Variants in TSPOAP1 observed in about 807,000 individuals in gnomAD.
TSPOAP1 encodes the protein peripheral-type benzodiazepine receptor-associated protein 1.
In TSPOAP1, 87 loss-of-function variants were observed where a neutral mutation model predicts 197.0. The observed-to-expected ratio is 0.44, with a 90% confidence interval of 0.37 to 0.53. The LOEUF (loss-of-function observed/expected upper bound fraction) is 0.53, where lower values mean the gene tolerates loss of function less well. TSPOAP1 is among the 20% of genes least tolerant of loss of function. TSPOAP1 has a pLI of 0.00. For synonymous variants in TSPOAP1, 913 were observed against 998.9 expected (o/e 0.91, Z 1.62); for missense variants, 2,174 against 2,411.3 (o/e 0.90, Z 2.06).
At chr17:58,313,563 G>A (rs1173740673) in intron 16 of TSPOAP1, among the ~76,000 whole-genome samples, 1 of 150,884 alleles carries the variant, frequency 6.6e-6, no homozygotes, top group Non-Finnish European at 1.5e-5. Context: ...AGTCATAATC[G>A]CGCCACTGCA....
Position 58,322,131 on chromosome 17 carries a change from C to T in TSPOAP1, c.1422+177G>A, listed in dbSNP as rs1971420510. On this transcript the variant is annotated intron_variant, in intron 10 of 31. Coordinates refer to ENST00000343736, the MANE Select transcript of TSPOAP1 (RefSeq NM_004758.4). This position sits in a 1 kb window ranked among gnomAD's most constrained non-coding sequence, Gnocchi z 5.0. The stretch of plus-strand genomic sequence containing the variant: ...TCTCCACCACTGTGCTCATCAGTGT[C>T]TGAAATCAGCTCACTCCTGGATGCT... 3 of 620,142 alleles carry T rather than the reference C, an allele frequency of 4.8e-6. No homozygotes were observed. The highest frequency in any genetic ancestry group is 8.4e-6 in the Non-Finnish European group (3 of 355,082). The allele number at this position is 620,142 out of a possible 1,614,324, so 38.4% of individuals were successfully genotyped here.
intron 16 of TSPOAP1, among the ~76,000 whole-genome samples, chr17:58,313,168 C>G (rs951949121): frequency 1.3e-5 from 2 of 151,984 alleles, no homozygotes; most frequent in African/African-American, 4.8e-5. Flanking sequence ...ACATATAAAG[C>G]AAATATGCCA....
At chr17:58,323,994 G>A (rs1363237140) in intron 5 of TSPOAP1, among the ~76,000 whole-genome samples, 1 of 152,198 alleles carries the variant, frequency 6.6e-6, no homozygotes, top group African/African-American at 2.4e-5. Context: ...TTGGCCTAGA[G>A]CAGCGCAAGT....
Position 58,301,475 on chromosome 17 carries a change from C to T in TSPOAP1, c.*1005G>A, listed in dbSNP as rs1053239453. The T allele has an allele frequency of 2.6e-5, 4 of 152,650 alleles. No homozygotes were observed. The highest frequency in any genetic ancestry group is 3.2e-3 in the Middle Eastern group (1 of 316). The allele number at this position is 152,650 out of a possible 1,614,324, so 9.5% of individuals were successfully genotyped here. ...TATGAAAATAGCTGCATAAATCTGT[C>T]CTTTTCTCCAGCCCCTGGACTCCAA... On this transcript the variant is annotated 3_prime_UTR_variant, in exon 32 of 32. Coordinates refer to ENST00000343736, the MANE Select transcript of TSPOAP1 (RefSeq NM_004758.4).
In TSPOAP1 at chr17:58,328,462, T is replaced by TGTC. The variant is rs1263627063; in HGVS notation, c.-545_-543dup. On this transcript the variant is annotated 5_prime_UTR_variant, in exon 1 of 32. Coordinates refer to ENST00000343736, the MANE Select transcript of TSPOAP1 (RefSeq NM_004758.4). The surrounding 1 kb of genome is among the most constrained non-coding windows in gnomAD (Gnocchi z 4.3). ...CCCTGGTTGTATCTGAGTGTGTCAG[T>TGTC]GTCGTGCAGCTGTGTGCATCGGTGT... 6.2e-6 allele frequency: 1 copy of TGTC among 161,962 alleles called. No homozygotes were observed. Among genetic ancestry groups the TGTC allele is most frequent in the Non-Finnish European group, 1.4e-5 (1 of 72,974 alleles). 10.0% of individuals were successfully genotyped at this position (161,962 alleles called of 1,614,324 possible).
Position 58,306,674 on chromosome 17 carries a change from G to T in TSPOAP1, c.5152+126C>A. ...TGACCACTACGCAGCAGGGTTCAAGGCAGGCTCCAAGGCTCTGCTAGAGTC... is the reference window on the plus strand; with the variant it reads ...TGACCACTACGCAGCAGGGTTCAAGTCAGGCTCCAAGGCTCTGCTAGAGTC... On this transcript the variant is annotated intron_variant, in intron 25 of 31. Coordinates refer to ENST00000343736, the MANE Select transcript of TSPOAP1 (RefSeq NM_004758.4). The T allele has an allele frequency of 3.2e-6, 4 of 1,248,342 alleles. No homozygotes were observed. In the Admixed American group the frequency reaches 9.8e-5, roughly 31 times the overall value. The allele number at this position is 1,248,342 out of a possible 1,614,324, so 77.3% of individuals were successfully genotyped here.
chr17:58,320,542 G>T lies in TSPOAP1; in HGVS notation c.1462C>A (p.Gln488Lys), dbSNP rs1971374384. 1 of 1,506,942 alleles carries T rather than the reference G, an allele frequency of 6.6e-7. No homozygotes were observed. Among genetic ancestry groups the T allele is most frequent in the Non-Finnish European group, 8.9e-7 (1 of 1,129,754 alleles). The allele number at this position is 1,506,942 out of a possible 1,614,324, so 93.3% of individuals were successfully genotyped here. Residue 488 changes from glutamine to lysine, a missense_variant, in exon 11 of 32, where the codon CAG (glutamine) becomes AAG (lysine). Coordinates refer to ENST00000343736, the MANE Select transcript of TSPOAP1 (RefSeq NM_004758.4). The part of the protein sequence containing the change: ...EAQREHEGAV[Q>K]LLESTLDSMQ... ...TCCAGGCGCCCTACCTCCAGCAGCT[G>T]CACGGCTCCTTCATGTTCCCTCTGG...
At chr17:58,323,210 G>T in intron 7 of TSPOAP1, 88 bp downstream of exon 7, 1 of 1,518,616 alleles carries the variant, frequency 6.6e-7, no homozygotes, top group Non-Finnish European at 9.1e-7. Context: ...GGGCAGCAGG[G>T]GTGGGAGCAG....
Position 58,320,667 on chromosome 17 carries a change from A to T in TSPOAP1, c.1423-86T>A, listed in dbSNP as rs947744892. 3.7e-6 allele frequency: 4 copies of T among 1,084,814 alleles called. No homozygotes were observed. The African/African-American group carries it at 6.6e-5, about 18-fold the overall frequency. 67.2% of individuals were successfully genotyped at this position (1,084,814 alleles called of 1,614,324 possible). ...GGGCTGCGAGGGAGGAAGGGTAGAA[A>T]GGACAGAGGCAGGGGAGGAAGAAGC... is the stretch of plus-strand genomic sequence containing the variant. On this transcript the variant is annotated intron_variant, in intron 10 of 31. Coordinates refer to ENST00000343736, the MANE Select transcript of TSPOAP1 (RefSeq NM_004758.4).
intron 31 of TSPOAP1, 74 bp from the exon 32 acceptor site, chr17:58,302,521 C>G (rs545713272): frequency 2.8e-6 from 3 of 1,077,302 alleles, no homozygotes; most frequent in East Asian, 1.5e-4. Flanking sequence ...TTTTCCACAG[C>G]CTAAGGGGCC....
Position 58,327,671 on chromosome 17 carries a change from G to A in TSPOAP1, c.250C>T (p.Leu84=), listed in dbSNP as rs747658750. 1 of 1,613,768 alleles carries A rather than the reference G, an allele frequency of 6.2e-7. No individual in the cohort carries two copies. Among genetic ancestry groups the A allele is most frequent in the Non-Finnish European group, 8.5e-7 (1 of 1,180,030 alleles). Reference sequence around the variant, plus strand: ...GATGCTTGCTGGCCCAGGCTGGGCAGACAAGCCTCTGCTCCTTCAGGGTCA... The same window carrying A: ...GATGCTTGCTGGCCCAGGCTGGGCAAACAAGCCTCTGCTCCTTCAGGGTCA... ...GTDPEGAEAC[L]PSLGQQASSS... is the part of the protein sequence containing the mutation. The change falls in exon 1 of 32, where the codon CTG becomes TTG. Residue 84 remains leucine, a synonymous_variant. Coordinates refer to ENST00000343736, the MANE Select transcript of TSPOAP1 (RefSeq NM_004758.4).
chr17:58,307,584 T>A (rs764794031), intron 24 of TSPOAP1, 27 bp downstream of exon 24: 7 of 1,609,692 alleles, frequency 4.3e-6, no homozygotes, highest in Non-Finnish European at 5.9e-6. Flanking sequence ...TGTTTGGAAT[T>A]CTGAGCCCTG....
chr17:58,307,892 C>T lies in TSPOAP1; in HGVS notation c.4781G>A (p.Gly1594Asp), dbSNP rs1286709045. ...ARGQDGSGRR[G>D]PQKRGVRVLR... ...GACTCGGACACCTCTCTTCTGGGGG[C>T]CCCTCCGCCCAGAGCCGTCCTGCCC... The change falls in exon 23 of 32, where the codon GGC becomes GAC. Residue 1594 changes from glycine (G) to aspartate (D), a missense_variant. Transcript: ENST00000343736. 1 of 1,613,508 alleles carries T rather than the reference C, an allele frequency of 6.2e-7. No individual in the cohort carries two copies. The highest frequency in any genetic ancestry group is 8.5e-7 in the Non-Finnish European group (1 of 1,180,008).
chr17:58,307,693 A>G lies in TSPOAP1; in HGVS notation c.4901T>C (p.Phe1634Ser). 1 of 1,614,196 alleles carries G rather than the reference A, an allele frequency of 6.2e-7. No homozygotes were observed. The change falls in exon 24 of 32, where the codon TTT becomes TCT. Residue 1634 changes from phenylalanine (F) to serine (S), a missense_variant. Physicochemically the swap from Phe to Ser is radical, Grantham distance 155 (BLOSUM62 -2). Transcript: ENST00000343736. ...CGACATTGACACGGGGTCATAGTCAAACAGAGCCACAAAGATCCTGACGGG... is the reference window on the plus strand; with the variant it reads ...CGACATTGACACGGGGTCATAGTCAGACAGAGCCACAAAGATCCTGACGGG... ...HLPVRIFVAL[F>S]DYDPVSMSPN...
At chr17:58,303,326 G>C (rs543081896) in intron 31 of TSPOAP1, 2 of 152,556 alleles carry the variant, frequency 1.3e-5, no homozygotes, top group Admixed American at 6.5e-5. Context: ...CTTGCTGCCC[G>C]GAGCCTGGCA....
intron 19 of TSPOAP1, 41 bp downstream of exon 19, chr17:58,310,795 C>T (rs755191728): frequency 6.3e-7 from 1 of 1,589,992 alleles, no homozygotes; most frequent in East Asian, 2.2e-5. Flanking sequence ...CCAGGTCCCT[C>T]TGCCAGCCTG....
At position 58,326,165 on chromosome 17, in the gene TSPOAP1, T is replaced by C; in HGVS notation, c.570+128A>G. On this transcript the variant is annotated intron_variant, in intron 3 of 31. Transcript: ENST00000343736. This position sits in a 1 kb window ranked among gnomAD's most constrained non-coding sequence, Gnocchi z 4.7. ...TCTGCCCTTCCTGCACCTTAGCCCC[T>C]AGATTCTTGCTTTCCTAGGTGCTGA... 1.4e-6 allele frequency: 2 copies of C among 1,451,988 alleles called. No homozygotes were observed. Among genetic ancestry groups the C allele is most frequent in the Non-Finnish European group, 1.8e-6 (2 of 1,085,140 alleles). The allele number at this position is 1,451,988 out of a possible 1,614,324, so 89.9% of individuals were successfully genotyped here.
At chr17:58,321,499 T>C (rs893216976) in intron 10 of TSPOAP1, among the ~76,000 whole-genome samples, 1 of 152,156 alleles carries the variant, frequency 6.6e-6, no homozygotes, top group Non-Finnish European at 1.5e-5. Flanking sequence ...GGATTCACCA[T>C]ATTGGCCAGG....
chr17:58,306,994 C>T (rs766945629), intron 24 of TSPOAP1, 26 bp from the exon 25 acceptor site: 10 of 1,606,064 alleles, frequency 6.2e-6, no homozygotes, highest in Non-Finnish European at 8.5e-6. Context: ...GTGGTCTCAG[C>T]CAGTTCTGCT....
Sources: allele counts gnomAD v4.1 joint callset (sites outside exome capture counted in the v4.1 genomes callset), GRCh38; gene constraint gnomAD v4.1.1; non-coding constraint Gnocchi (gnomAD v3.1); transcripts MANE v1.5; gene names NCBI Gene and HGNC (gene_info 2026-07-23, HGNC 2026-07-21).